Variants in PHF20 observed in about 807,000 individuals in gnomAD.
PHF20 encodes the protein PHD finger protein 20, also known as glioma-expressed antigen 2.
PHF20 carries 23 observed loss-of-function variants against 113.5 expected under a neutral mutation model. The ratio of observed to expected loss-of-function variants is 0.20; its 90% CI spans 0.15 to 0.29. PHF20 has a LOEUF of 0.29. PHF20 is among the 10% of genes least tolerant of loss of function. The pLI, the probability that PHF20 is intolerant of heterozygous loss-of-function variation, is 1.00. For missense variants in PHF20, 943 were observed against 1,219.6 expected (o/e 0.77, Z 3.38); for synonymous variants, 434 against 457.3 (o/e 0.95, Z 0.65).
intron 9 of PHF20, among the ~76,000 whole-genome samples, chr20:35,893,899 A>G (rs1159607705): frequency 3.3e-5 from 5 of 152,266 alleles, no homozygotes; most frequent in Admixed American, 2.0e-4. Context: ...TACAGGCATG[A>G]GCCACTGTGC....
At chr20:35,826,319 C>T (rs768831787) in intron 2 of PHF20, among the ~76,000 whole-genome samples, 6 of 152,176 alleles carry the variant, frequency 3.9e-5, no homozygotes, top group Non-Finnish European at 4.4e-5. Context: ...GCTGGGATTA[C>T]AGGTGTGAGC....
intron 9 of PHF20, among the ~76,000 whole-genome samples, chr20:35,888,961 G>C (rs2054790627): frequency 6.7e-6 from 1 of 149,958 alleles, no homozygotes; most frequent in African/African-American, 2.5e-5. Context: ...GATTTATGTA[G>C]ACTTTGGCCC....
intron 2 of PHF20, among the ~76,000 whole-genome samples, chr20:35,816,476 T>G (rs2042075246): frequency 6.6e-6 from 1 of 151,018 alleles, no homozygotes; most frequent in South Asian, 2.1e-4. Flanking sequence ...TGAGACGGAA[T>G]TTTGCTGTTG....
intron 13 of PHF20, among the ~76,000 whole-genome samples, chr20:35,923,011 A>C (rs887449662): frequency 6.6e-6 from 1 of 152,192 alleles, no homozygotes; most frequent in South Asian, 2.1e-4. Flanking sequence ...GCTTCTCAGG[A>C]GGCTGAGGTG....
At chr20:35,799,412 G>T (rs932556508) in intron 1 of PHF20, among the ~76,000 whole-genome samples, 12 of 151,576 alleles carry the variant, frequency 7.9e-5, no homozygotes, top group African/African-American at 2.9e-4. Flanking sequence ...GCTGCAGTGA[G>T]CTATGATAGC....
At chr20:35,829,471 G>A (rs1301920116) in intron 2 of PHF20, among the ~76,000 whole-genome samples, 1 of 148,654 alleles carries the variant, frequency 6.7e-6, no homozygotes, top group African/African-American at 2.6e-5. Context: ...TCAGCCTCCC[G>A]AGTAGCTGGG....
At position 35,862,783 on chromosome 20, in the gene PHF20, C is replaced by T. The variant is rs80196430; in HGVS notation, c.421-230C>T. Among the ~76,000 whole-genome samples the T allele has an allele frequency of 3.1e-3, 477 of 152,188 alleles. 3 individuals carry two copies. In the East Asian group the frequency reaches 0.04, roughly 13 times the overall value. On this transcript the variant is annotated intron_variant, in intron 5 of 17. Transcript: ENST00000374012. ...GAATTTTATTTTCTAGTGACTTATT[C>T]GTCATAATAAGGGAGATTGCACTGT... is the stretch of plus-strand genomic sequence containing the variant.
chr20:35,827,001 A>G (rs1255257556), intron 2 of PHF20, among the ~76,000 whole-genome samples: 1 of 152,218 alleles, frequency 6.6e-6, no homozygotes, highest in Admixed American at 6.5e-5. Context: ...TTTACTAAAT[A>G]TATCTTCCAT....
At chr20:35,912,844 C>T (rs573791083) in intron 10 of PHF20, among the ~76,000 whole-genome samples, 3 of 152,160 alleles carry the variant, frequency 2.0e-5, no homozygotes, top group African/African-American at 7.2e-5. Context: ...AATCAGATCC[C>T]CAGGTGATTC....
chr20:35,834,934 C>T (rs780803802), intron 2 of PHF20, among the ~76,000 whole-genome samples: 9 of 152,078 alleles, frequency 5.9e-5, no homozygotes, highest in Admixed American at 3.9e-4. Flanking sequence ...TAAGTTGTAC[C>T]TGATTATCAT....
At chr20:35,870,337 C>T (rs977930484) in intron 7 of PHF20, among the ~76,000 whole-genome samples, 152 of 147,238 alleles carry the variant, frequency 1.0e-3, no homozygotes, top group African/African-American at 3.6e-3. Context: ...AAAAATTAGC[C>T]GGGTGTGGTG....
At chr20:35,806,200 G>C (rs1350479539) in intron 2 of PHF20, among the ~76,000 whole-genome samples, 3 of 107,394 alleles carry the variant, frequency 2.8e-5, no homozygotes, top group African/African-American at 1.1e-4. Flanking sequence ...TCACTCTGTT[G>C]CCTAGGCTGG....
intron 17 of PHF20, among the ~76,000 whole-genome samples, chr20:35,943,585 A>C (rs1027864795): frequency 5.3e-5 from 8 of 149,908 alleles, no homozygotes; most frequent in African/African-American, 2.0e-4. Flanking sequence ...TTATTTAATT[A>C]TTTATGTAGT....
Position 35,842,690 on chromosome 20 carries a change from T to G in PHF20, c.201T>G (p.Pro67=), listed in dbSNP as rs2042554914. 1 of 1,614,110 alleles carries G rather than the reference T, an allele frequency of 6.2e-7. No individual in the cohort carries two copies. ...WFCWDSPYLR[P]LEKIQLRKEG... is the part of the protein sequence containing the mutation. The stretch of plus-strand genomic sequence containing the variant: ...GCTGGGACAGTCCTTATTTACGCCC[T>G]TTAGAGAAAATACAGCTGAGGAAAG... The change falls in exon 3 of 18, where the codon CCT becomes CCG. Residue 67 remains proline, a synonymous_variant. Transcript: ENST00000374012.
chr20:35,942,098 C>T (rs2055992210), intron 17 of PHF20, among the ~76,000 whole-genome samples: 1 of 151,884 alleles, frequency 6.6e-6, no homozygotes, highest in Non-Finnish European at 1.5e-5. Context: ...CCAGCCTGGG[C>T]ATCACAGTCT....
intron 9 of PHF20, among the ~76,000 whole-genome samples, chr20:35,877,224 A>G (rs1254382984): frequency 7.9e-6 from 1 of 126,668 alleles, no homozygotes; most frequent in Non-Finnish European, 1.6e-5. Context: ...TGGGAGGAAG[A>G]GGTTGCAGTT....
chr20:35,910,647 C>G (rs908743092), intron 10 of PHF20, among the ~76,000 whole-genome samples: 5 of 152,038 alleles, frequency 3.3e-5, no homozygotes, highest in East Asian at 1.9e-4. Context: ...TTCTTCCCCC[C>G]CGAGATGGAG....
intron 2 of PHF20, among the ~76,000 whole-genome samples, chr20:35,814,892 A>AAAT (rs752701246): frequency 4.2e-4 from 46 of 110,270 alleles, no homozygotes; most frequent in African/African-American, 1.3e-3. Flanking sequence ...AAAAAAAAAT[A>AAAT]AAATAAATAA....
chr20:35,862,130 G>A (rs890310193), intron 5 of PHF20, among the ~76,000 whole-genome samples: 3 of 152,144 alleles, frequency 2.0e-5, no homozygotes, highest in African/African-American at 2.4e-5. Flanking sequence ...CTAAGAAGCG[G>A]TATTTCCTAC....
Sources: allele counts gnomAD v4.1 joint callset (sites outside exome capture counted in the v4.1 genomes callset), GRCh38; gene constraint gnomAD v4.1.1; transcripts MANE v1.5; gene names NCBI Gene and HGNC (gene_info 2026-07-23, HGNC 2026-07-21).